The following EDA variants were observed in gnomAD, a reference collection of about 807,000 sequenced individuals.
The protein encoded by EDA is ectodysplasin A.
A neutral mutation model predicts 23.6 loss-of-function variants in EDA; 2 were observed. The ratio of observed to expected loss-of-function variants is 0.08; its 90% CI spans 0.03 to 0.27. The LOEUF is 0.27. Among genes scored for constraint, EDA ranks in the 10% least tolerant of loss-of-function variants. The pLI, the probability that EDA is intolerant of heterozygous loss-of-function variation, is 1.00. For missense variants in EDA, 229 were observed against 324.2 expected (o/e 0.71, Z 2.26); for synonymous variants, 131 against 132.0 (o/e 0.99, Z 0.05).
At chrX:69,818,581 A>G (rs55657986) in intron 1 of EDA, among the ~76,000 whole-genome samples, 1,240 of 111,994 alleles carry the variant, frequency 0.011, 7 homozygotes, top group Middle Eastern at 0.028. Context: ...AGAGAATACT[A>G]TGAACACCTC....
At chrX:69,713,785 C>A in intron 1 of EDA, among the ~76,000 whole-genome samples, 1 of 111,800 alleles carries the variant, frequency 8.9e-6, no homozygotes, top group South Asian at 3.7e-4. Flanking sequence ...GACATCAAGG[C>A]TTATTCCAGT....
chrX:69,787,230 C>T (rs2015222239), intron 1 of EDA, among the ~76,000 whole-genome samples: 1 of 100,382 alleles, frequency 1.0e-5, no homozygotes, highest in African/African-American at 3.5e-5. Flanking sequence ...ACTGATGGGT[C>T]TTGACTCTTT....
At chrX:69,750,319 A>G (rs1442350496) in intron 1 of EDA, among the ~76,000 whole-genome samples, 1 of 108,296 alleles carries the variant, frequency 9.2e-6, no homozygotes, top group Non-Finnish European at 1.9e-5. Context: ...GATGGTTTCC[A>G]GCTTCATCCA....
chrX:69,839,715 G>A lies in EDA; in HGVS notation c.397-117312G>A, dbSNP rs370357832. Among the ~76,000 whole-genome samples the A allele has an allele frequency of 2.7e-5, 3 of 111,895 alleles. No homozygotes were observed. In the East Asian group the frequency reaches 8.5e-4, roughly 32 times the overall value. On this transcript the variant is annotated intron_variant, in intron 1 of 7. Coordinates refer to ENST00000374552, the MANE Select transcript of EDA (RefSeq NM_001399.5). ...AAACCTGTGTGTGATTGAGGGTAAG[G>A]TTGGGGAGAGGAAGCCAACTCTGGC...
chrX:69,976,032 T>C (rs2019313463), intron 2 of EDA, among the ~76,000 whole-genome samples: 1 of 111,877 alleles, frequency 8.9e-6, no homozygotes, highest in Non-Finnish European at 1.9e-5. Context: ...TAAAGCTATT[T>C]AGTTTGTCTT....
intron 1 of EDA, among the ~76,000 whole-genome samples, chrX:69,826,389 T>G (rs1486599414): frequency 7.3e-5 from 8 of 109,532 alleles, no homozygotes; most frequent in Non-Finnish European, 1.5e-4. Context: ...GCTCCTGTAT[T>G]GGGTGCATAT....
At chrX:69,845,941 G>A (rs913500927) in intron 1 of EDA, among the ~76,000 whole-genome samples, 11 of 111,997 alleles carry the variant, frequency 9.8e-5, no homozygotes, top group Admixed American at 3.8e-4. Flanking sequence ...TGACTGCAGC[G>A]CCAGCTAACA....
At chrX:69,852,893 C>A (rs1390556874) in intron 1 of EDA, among the ~76,000 whole-genome samples, 3 of 111,975 alleles carry the variant, frequency 2.7e-5, no homozygotes, top group African/African-American at 6.5e-5. Context: ...CTTTAAACAT[C>A]TCCCACATTG....
intron 1 of EDA, among the ~76,000 whole-genome samples, chrX:69,631,964 C>T (rs1375809977): frequency 3.6e-5 from 4 of 111,799 alleles, no homozygotes; most frequent in Non-Finnish European, 7.5e-5. Context: ...ATGGACCTTA[C>T]TTATTTGGCC....
chrX:69,795,438 T>A (rs1226866443), intron 1 of EDA, among the ~76,000 whole-genome samples: 1 of 113,032 alleles, frequency 8.8e-6, no homozygotes, highest in Non-Finnish European at 1.9e-5. Context: ...TTCCTCAGGA[T>A]AAATTCCCTG....
At chrX:69,968,982 G>A (rs1423372079) in intron 2 of EDA, among the ~76,000 whole-genome samples, 1 of 112,373 alleles carries the variant, frequency 8.9e-6, no homozygotes, top group Non-Finnish European at 1.9e-5. Flanking sequence ...CCAGCATGTA[G>A]CTCCTTTAAT....
intron 1 of EDA, among the ~76,000 whole-genome samples, chrX:69,930,101 A>T (rs1001166082): frequency 1.8e-5 from 2 of 111,811 alleles, no homozygotes; most frequent in Non-Finnish European, 3.8e-5. Context: ...TGAGCCTCAG[A>T]AGAACAAGGT....
At chrX:69,710,411 G>C (rs7056224) in intron 1 of EDA, among the ~76,000 whole-genome samples, 4,560 of 111,024 alleles carry the variant, frequency 0.041, 221 homozygotes, top group African/African-American at 0.14. Context: ...CTTTAGTATA[G>C]TTTGAAGTCA....
At chrX:69,689,089 A>G (rs1306644082) in intron 1 of EDA, among the ~76,000 whole-genome samples, 1 of 111,512 alleles carries the variant, frequency 9.0e-6, no homozygotes, top group Non-Finnish European at 1.9e-5. Flanking sequence ...TAGACTCTCA[A>G]TTCTACTCCA....
At chrX:69,918,129 G>A (rs1452445059) in intron 1 of EDA, among the ~76,000 whole-genome samples, 1 of 104,930 alleles carries the variant, frequency 9.5e-6, no homozygotes. Flanking sequence ...GCTAAAGGAA[G>A]CTGAATACCC....
At chrX:69,760,035 A>G (rs2014251616) in intron 1 of EDA, among the ~76,000 whole-genome samples, 1 of 108,579 alleles carries the variant, frequency 9.2e-6, no homozygotes, top group African/African-American at 3.4e-5. Context: ...ATCTCTCCCT[A>G]GATCTGGAGA....
chrX:69,861,080 A>C (rs1490686806), intron 1 of EDA: 2 of 425,226 alleles, frequency 4.7e-6, no homozygotes, highest in African/African-American at 4.9e-5. Flanking sequence ...TTTATGACTT[A>C]TAGATCCTCA....
chrX:69,716,704 C>G (rs2012351223), intron 1 of EDA, among the ~76,000 whole-genome samples: 1 of 111,529 alleles, frequency 9.0e-6, no homozygotes, highest in East Asian at 2.8e-4. Flanking sequence ...TATCCATGAG[C>G]ATGGAATGGT....
At chrX:69,852,869 A>C (rs367724252) in intron 1 of EDA, among the ~76,000 whole-genome samples, 41 of 112,178 alleles carry the variant, frequency 3.7e-4, no homozygotes, top group African/African-American at 1.2e-3. Context: ...AAAAACCCAC[A>C]GAGATATCTG....
Sources: gnomAD v4.1 joint callset for allele counts (sites outside exome capture counted in the v4.1 genomes callset) on GRCh38, gnomAD v4.1.1 for gene constraint, MANE v1.5 for transcripts, NCBI Gene and HGNC (gene_info 2026-07-23, HGNC 2026-07-21) for gene names.